AFG3L2: variants seen among roughly 807,000 people sequenced by gnomAD.
The protein encoded by AFG3L2 is mitochondrial inner membrane m-AAA protease component AFG3L2.
AFG3L2 carries 54 observed loss-of-function variants against 94.5 expected under a neutral mutation model. The ratio of observed to expected loss-of-function variants is 0.57; its 90% CI spans 0.46 to 0.72. The LOEUF (loss-of-function observed/expected upper bound fraction) is 0.72, where lower values mean the gene tolerates loss of function less well. AFG3L2 is among the 30% of genes least tolerant of loss of function. The pLI, the probability that AFG3L2 is intolerant of heterozygous loss-of-function variation, is 0.00. For missense variants in AFG3L2, 754 were observed against 994.9 expected (o/e 0.76, Z 3.26); for synonymous variants, 377 against 365.5 (o/e 1.03, Z -0.36).
At chr18:12,363,416 G>C (rs1320537849) in intron 6 of AFG3L2, among the ~76,000 whole-genome samples, 1 of 152,174 alleles carries the variant, frequency 6.6e-6, no homozygotes, top group Non-Finnish European at 1.5e-5. Flanking sequence ...TTTGATAAAA[G>C]CTGTCTCAAA....
intron 10 of AFG3L2, 133 bp from the exon 11 acceptor site, chr18:12,351,546 T>G: frequency 2.4e-6 from 2 of 842,768 alleles, no homozygotes; most frequent in Non-Finnish European, 3.9e-6. Flanking sequence ...TCTAGTGTTT[T>G]TTGTTTTTTT....
In AFG3L2 at chr18:12,367,533, C is replaced by T. The variant is rs943555739; in HGVS notation, c.293-151G>A. ...AAGTGAAGCACTATGAGAAAGAATA[C>T]AAATACAAAGCTTACCAATCAGGGA... is the stretch of plus-strand genomic sequence containing the variant. On this transcript the variant is annotated intron_variant, in intron 3 of 16. Coordinates refer to ENST00000269143, the MANE Select transcript of AFG3L2 (RefSeq NM_006796.3). The T allele has an allele frequency of 1.4e-5, 11 of 774,274 alleles. No individual in the cohort carries two copies. In the African/African-American group the frequency reaches 1.9e-4, roughly 13 times the overall value. The allele number at this position is 774,274 out of a possible 1,614,324, so 48.0% of individuals were successfully genotyped here. A position where few individuals can be genotyped will look rare whatever the true frequency, so the allele number is the denominator to read the frequency against.
Position 12,351,344 on chromosome 18 carries a change from A to T in AFG3L2, c.1388T>A (p.Leu463Gln). ...TNRPDILDPA[L>Q]LRPGRFDRQI... ...CCTGTCGAAACGCCCCGGCCTAAGC[A>T]GCGCGGGGTCCAGGATATCTGGTCG... The change falls in exon 11 of 17, where the codon CTG becomes CAG. Residue 463 changes from leucine to glutamine, a missense_variant. Transcript: ENST00000269143. 6.2e-7 allele frequency: 1 copy of T among 1,614,202 alleles called. No homozygotes were observed. Among genetic ancestry groups the T allele is most frequent in the African/African-American group, 1.3e-5 (1 of 75,056 alleles).
intron 6 of AFG3L2, among the ~76,000 whole-genome samples, chr18:12,360,439 G>A (rs1908625092): frequency 6.6e-6 from 1 of 152,186 alleles, no homozygotes; most frequent in Non-Finnish European, 1.5e-5. Flanking sequence ...AGGGATAAGA[G>A]CTAAAGTTTA....
chr18:12,375,429 A>C (rs922316523), intron 1 of AFG3L2, among the ~76,000 whole-genome samples: 2 of 148,872 alleles, frequency 1.3e-5, no homozygotes, highest in African/African-American at 5.0e-5. Flanking sequence ...AAAAAAAAAC[A>C]ATTTGTAGAG....
At chr18:12,330,990 G>T (rs971005358) in intron 16 of AFG3L2, among the ~76,000 whole-genome samples, 1 of 152,198 alleles carries the variant, frequency 6.6e-6, no homozygotes, top group Non-Finnish European at 1.5e-5. Context: ...CAAATGCCCA[G>T]CAGTAGCCAA....
chr18:12,349,252 A>C (rs749750490), intron 12 of AFG3L2, among the ~76,000 whole-genome samples: 33 of 147,906 alleles, frequency 2.2e-4, no homozygotes, highest in Admixed American at 5.4e-4. Flanking sequence ...CTGTAATAAA[A>C]AGACAGTGAC....
At chr18:12,365,243 T>A (rs779135241) in intron 5 of AFG3L2, among the ~76,000 whole-genome samples, 2 of 152,028 alleles carry the variant, frequency 1.3e-5, no homozygotes, top group Non-Finnish European at 2.9e-5. Flanking sequence ...GACAGCAGAC[T>A]AATGCCAAAG....
chr18:12,370,516 G>A (rs921379782), intron 3 of AFG3L2, among the ~76,000 whole-genome samples: 2 of 147,302 alleles, frequency 1.4e-5, no homozygotes, highest in African/African-American at 5.1e-5. Context: ...TGTTGCCCAG[G>A]CTGGAGTGCA....
chr18:12,352,912 A>C, intron 10 of AFG3L2, 93 bp downstream of exon 10: 2 of 1,553,852 alleles, frequency 1.3e-6, no homozygotes, highest in Non-Finnish European at 1.8e-6. Context: ...CCGAAATCAC[A>C]CCACTCACTT....
chr18:12,347,678 G>A (rs1006355680), intron 13 of AFG3L2, among the ~76,000 whole-genome samples: 3 of 151,802 alleles, frequency 2.0e-5, no homozygotes, highest in Non-Finnish European at 4.4e-5. Context: ...AGCCTCCCAA[G>A]TAGCTGAGAC....
chr18:12,363,222 CCT>C, intron 6 of AFG3L2, among the ~76,000 whole-genome samples: 1 of 152,264 alleles, frequency 6.6e-6, no homozygotes, highest in Non-Finnish European at 1.5e-5. Flanking sequence ...CTCAGCTTCA[CCT>C]CTCTCCCCTC....
intron 16 of AFG3L2, among the ~76,000 whole-genome samples, chr18:12,333,347 T>C (rs1168718256): frequency 7.7e-6 from 1 of 130,354 alleles, no homozygotes; most frequent in African/African-American, 2.9e-5. Flanking sequence ...ATATATAATA[T>C]ATAATTATAT....
At position 12,344,224 on chromosome 18, in the gene AFG3L2, G is replaced by A. The variant is rs1414383490; in HGVS notation, c.1687C>T (p.Leu563=). ...ACAGTCTTCTTCTCCTCAGGCTGCA[G>A]AACCTGCGTTTTCTTCTCTAAGCCT... is the stretch of plus-strand genomic sequence containing the variant. The part of the protein sequence containing the change: ...IGGLEKKTQV[L]QPEEKKTVAY... Residue 563 remains leucine, a synonymous_variant, in exon 14 of 17, where the codon CTG becomes TTG. Coordinates refer to ENST00000269143, the MANE Select transcript of AFG3L2 (RefSeq NM_006796.3). 1 of 1,614,190 alleles carries A rather than the reference G, an allele frequency of 6.2e-7. No homozygotes were observed. The highest frequency in any genetic ancestry group is 1.7e-5 in the Admixed American group (1 of 60,034).
Position 12,332,963 on chromosome 18 carries a change from A to AATATATAATATATTATATAC in AFG3L2, c.2176-3181_2176-3180insGTATATAATATATTATATAT, listed in dbSNP as rs1568131923. On this transcript the variant is annotated intron_variant, in intron 16 of 16. Coordinates refer to ENST00000269143, the MANE Select transcript of AFG3L2 (RefSeq NM_006796.3). ...AACATATAATATATTATATACTATA[A>AATATATAATATATTATATAC]TATATTATATATTATATAAATATAT... Among the ~76,000 whole-genome samples the AATATATAATATATTATATAC allele has an allele frequency of 3.8e-3, 56 of 14,704 alleles. No individual in the cohort carries two copies. In the South Asian group the frequency reaches 0.054, roughly 14 times the overall value. 9.6% of individuals were successfully genotyped at this position (14,704 alleles called of 152,430 possible). A position where few individuals can be genotyped will look rare whatever the true frequency, so the allele number is the denominator to read the frequency against.
At chr18:12,358,231 G>A (rs2143190084) in intron 8 of AFG3L2, among the ~76,000 whole-genome samples, 1 of 152,352 alleles carries the variant, frequency 6.6e-6, no homozygotes, top group South Asian at 2.1e-4. Flanking sequence ...AAAGGGGAAG[G>A]TGATGGTGAG....
chr18:12,337,802 G>A (rs1385043919), intron 15 of AFG3L2, among the ~76,000 whole-genome samples: 4 of 151,858 alleles, frequency 2.6e-5, no homozygotes, highest in Non-Finnish European at 4.4e-5. Flanking sequence ...CAGAGTCTTG[G>A]TCTGTTGCCC....
chr18:12,352,995 G>A lies in AFG3L2; in HGVS notation c.1318+10C>T. The A allele has an allele frequency of 6.2e-7, 1 of 1,612,144 alleles. No homozygotes were observed. The highest frequency in any genetic ancestry group is 8.5e-7 in the Non-Finnish European group (1 of 1,179,440). On this transcript the variant is annotated intron_variant, in intron 10 of 16. Transcript: ENST00000269143. ...GTGCAGTTAAAGATACAAAAGCCTTGACCACTCACCATCCATCTCCACCAG... is the reference window on the plus strand; with the variant it reads ...GTGCAGTTAAAGATACAAAAGCCTTAACCACTCACCATCCATCTCCACCAG...
chr18:12,339,552 CAAA>C (rs57358869), intron 15 of AFG3L2, among the ~76,000 whole-genome samples: 13 of 103,002 alleles, frequency 1.3e-4, no homozygotes, highest in Non-Finnish European at 1.5e-4. Flanking sequence ...AACTCCAGAT[CAAA>C]AAAAAAAAAA....
Sources: allele counts gnomAD v4.1 joint callset (sites outside exome capture counted in the v4.1 genomes callset), GRCh38; gene constraint gnomAD v4.1.1; transcripts MANE v1.5; gene names NCBI Gene and HGNC (gene_info 2026-07-23, HGNC 2026-07-21).